The following FOXJ3 variants were observed in gnomAD, a reference collection of about 807,000 sequenced individuals.
FOXJ3 encodes forkhead box J3.
FOXJ3 carries 22 observed loss-of-function variants against 76.1 expected under a neutral mutation model. The ratio of observed to expected loss-of-function variants is 0.29; its 90% CI spans 0.21 to 0.41. FOXJ3 has a LOEUF of 0.41. Ranked by LOEUF, FOXJ3 falls within the 10% of genes least tolerant of loss-of-function variation. The pLI is 1.00. For synonymous variants in FOXJ3, 269 were observed against 261.2 expected, an observed-to-expected ratio of 1.03 and a Z score of -0.29; for missense variants, 613 against 762.1, an observed-to-expected ratio of 0.80 and a Z score of 2.30.
intron 2 of FOXJ3, among the ~76,000 whole-genome samples, chr1:42,310,185 C>T (rs1320682845): frequency 1.4e-5 from 2 of 146,232 alleles, no homozygotes; most frequent in Non-Finnish European, 3.0e-5. Flanking sequence ...TTTTGCTCAT[C>T]GCCCAGGATG....
chr1:42,235,193 C>G (rs1027682963), intron 4 of FOXJ3, among the ~76,000 whole-genome samples: 1 of 152,208 alleles, frequency 6.6e-6, no homozygotes, highest in African/African-American at 2.4e-5. Context: ...GGCGTAGGAC[C>G]CTCCGAGCCA....
At chr1:42,331,120 C>T (rs1363387813) in intron 1 of FOXJ3, among the ~76,000 whole-genome samples, 1 of 152,122 alleles carries the variant, frequency 6.6e-6, no homozygotes, top group Non-Finnish European at 1.5e-5. Flanking sequence ...GTGGCTTACA[C>T]CTGTAGTCTC....
At chr1:42,235,735 G>A (rs769161565) in intron 4 of FOXJ3, among the ~76,000 whole-genome samples, 17 of 152,050 alleles carry the variant, frequency 1.1e-4, no homozygotes, top group Non-Finnish European at 1.8e-4. Context: ...GATAATTTTC[G>A]TATTTTTAGT....
chr1:42,265,297 T>G, intron 3 of FOXJ3, 108 bp from the exon 4 acceptor site: 1 of 587,690 alleles, frequency 1.7e-6, no homozygotes, highest in Non-Finnish European at 3.0e-6. Context: ...GCAAAACAAT[T>G]ACAAATGGAA....
intron 2 of FOXJ3, among the ~76,000 whole-genome samples, chr1:42,279,459 A>C (rs766276582): frequency 3.3e-5 from 5 of 152,336 alleles, no homozygotes; most frequent in Middle Eastern, 3.4e-3. Flanking sequence ...GCAAGAAAAG[A>C]AGCATTAAAA....
At chr1:42,259,202 T>C (rs1448337368) in intron 4 of FOXJ3, among the ~76,000 whole-genome samples, 2 of 152,104 alleles carry the variant, frequency 1.3e-5, no homozygotes, top group African/African-American at 4.8e-5. Context: ...AAGGCAAAAT[T>C]ATAGGGACAC....
intron 5 of FOXJ3, among the ~76,000 whole-genome samples, chr1:42,218,668 G>A (rs866028936): frequency 2.4e-4 from 36 of 152,150 alleles, no homozygotes; most frequent in African/African-American, 8.0e-4. Context: ...TAGAGTGACC[G>A]TGTTAAAATT....
At chr1:42,189,993 C>A (rs768234438) in intron 9 of FOXJ3, among the ~76,000 whole-genome samples, 1 of 152,026 alleles carries the variant, frequency 6.6e-6, no homozygotes, top group Non-Finnish European at 1.5e-5. Flanking sequence ...TAACATAGTC[C>A]CCCTGCCAAG....
intron 4 of FOXJ3, among the ~76,000 whole-genome samples, chr1:42,234,573 GT>G (rs1412158110): frequency 6.6e-6 from 1 of 152,144 alleles, no homozygotes; most frequent in Admixed American, 6.5e-5. Context: ...TACAGATGGG[GT>G]TTTGGTGTGG....
intron 8 of FOXJ3, among the ~76,000 whole-genome samples, chr1:42,192,501 A>G (rs1171165671): frequency 2.0e-5 from 3 of 152,252 alleles, no homozygotes; most frequent in Non-Finnish European, 4.4e-5. Flanking sequence ...CTCTTTAACA[A>G]GAAGGGAAAC....
chr1:42,276,017 T>A (rs1302472658), intron 3 of FOXJ3, among the ~76,000 whole-genome samples: 1 of 152,176 alleles, frequency 6.6e-6, no homozygotes, highest in Non-Finnish European at 1.5e-5. Context: ...TATCAATTAA[T>A]AAATGTCAAA....
chr1:42,230,409 T>C (rs163852), intron 4 of FOXJ3, among the ~76,000 whole-genome samples: 94,644 of 152,000 alleles, frequency 0.62, 31,145 homozygotes, highest in Admixed American at 0.75. Flanking sequence ...CTTTTGGATA[T>C]CAGATTTTTT....
intron 5 of FOXJ3, among the ~76,000 whole-genome samples, chr1:42,220,758 C>T (rs1647167032): frequency 6.6e-6 from 1 of 152,138 alleles, no homozygotes; most frequent in African/African-American, 2.4e-5. Flanking sequence ...GTGATTTACC[C>T]TTATTGGCTT....
intron 4 of FOXJ3, among the ~76,000 whole-genome samples, chr1:42,256,384 A>G (rs1220807294): frequency 2.0e-5 from 3 of 152,266 alleles, no homozygotes; most frequent in Non-Finnish European, 4.4e-5. Context: ...ACTCAGTAAT[A>G]ATGACAACCA....
rs1655838068 is a variant in FOXJ3, at chr1:42,326,495, C to T, written c.-18+8564G>A. ...CTCTTCCCAACCACCAGGCAACAGA[C>T]AACACATCTCCCACTGTGGCAGTAA... On this transcript the variant is annotated intron_variant, in intron 1 of 12. Coordinates refer to ENST00000361346, the MANE Select transcript of FOXJ3 (RefSeq NM_014947.5). Among the ~76,000 whole-genome samples the T allele has an allele frequency of 2.6e-5, 4 of 152,098 alleles. No individual in the cohort carries two copies. The South Asian group carries it at 8.3e-4, about 31-fold the overall frequency.
At position 42,277,766 on chromosome 1, in the gene FOXJ3, C is replaced by T. The variant is rs1210155799; in HGVS notation, c.369+582G>A. Among the ~76,000 whole-genome samples the T allele has an allele frequency of 2.7e-4, 3 of 10,912 alleles. 1 individual carries two copies. The highest frequency in any genetic ancestry group is 6.7e-4 in the African/African-American group (3 of 4,510). The allele number at this position is 10,912 out of a possible 152,430, so 7.2% of individuals were successfully genotyped here. A position where few individuals can be genotyped will look rare whatever the true frequency, so the allele number is the denominator to read the frequency against. On this transcript the variant is annotated intron_variant, in intron 3 of 12. Transcript: ENST00000361346. ...GAGCCGAGATCCCGCCACTGCACTC[C>T]AGCCTGGGCGACAGAGCGAGACTCC...
intron 2 of FOXJ3, among the ~76,000 whole-genome samples, chr1:42,304,417 G>A (rs545061384): frequency 1.3e-4 from 20 of 151,868 alleles, no homozygotes; most frequent in African/African-American, 4.3e-4. Context: ...AAATTTATAC[G>A]AAACCACCAA....
At chr1:42,278,919 T>C (rs1652490106) in intron 2 of FOXJ3, among the ~76,000 whole-genome samples, 1 of 152,148 alleles carries the variant, frequency 6.6e-6, no homozygotes, top group African/African-American at 2.4e-5. Flanking sequence ...ATACAGAATA[T>C]AGACAAACAA....
chr1:42,185,686 T>C lies in FOXJ3; in HGVS notation c.1645+3051A>G, dbSNP rs575740058. Among the ~76,000 whole-genome samples the C allele has an allele frequency of 6.6e-5, 10 of 152,238 alleles. No individual in the cohort carries two copies. The South Asian group carries it at 1.9e-3, about 28-fold the overall frequency. On this transcript the variant is annotated intron_variant, in intron 11 of 12. Coordinates refer to ENST00000361346, the MANE Select transcript of FOXJ3 (RefSeq NM_014947.5). ...TGCTCAATGACTGCATTCCTACCTA[T>C]ATTTAATGATGACCTTTAAGCAACG...
Sources: allele counts gnomAD v4.1 joint callset (sites outside exome capture counted in the v4.1 genomes callset), GRCh38; gene constraint gnomAD v4.1.1; transcripts MANE v1.5; gene names NCBI Gene and HGNC (gene_info 2026-07-23, HGNC 2026-07-21).